The following SOX6 variants were observed in gnomAD, a reference collection of about 807,000 sequenced individuals.
The protein encoded by SOX6 is SRY-box transcription factor 6, also known as transcription factor SOX-6.
Under a neutral mutation model 97.8 loss-of-function variants are expected in SOX6, and 11 were observed. The ratio of observed to expected loss-of-function variants is 0.11; its 90% confidence interval spans 0.07 to 0.19. The LOEUF (loss-of-function observed/expected upper bound fraction) is 0.19, where lower values mean the gene tolerates loss of function less well. Among genes scored for constraint, SOX6 ranks in the 10% least tolerant of loss-of-function variants. SOX6 has a pLI of 1.00. For synonymous variants in SOX6, 360 were observed against 371.4 expected (o/e 0.97, Z 0.35); for missense variants, 810 against 1,039.5 (o/e 0.78, Z 3.04).
At chr11:16,653,438 A>C (rs1042124155) in intron 3 of SOX6, among the ~76,000 whole-genome samples, 12 of 152,224 alleles carry the variant, frequency 7.9e-5, no homozygotes, top group African/African-American at 2.9e-4. Context: ...ATAACGACTT[A>C]GCCAAAAAAG....
chr11:16,108,908 TAACA>T lies in SOX6; in HGVS notation c.898+2891_898+2894del, dbSNP rs544264774. ...ACATGGATTCAGAAACAGTCAACTTTAACAAACAATGAATGTCACCCCAAGGTAG... is the reference window on the plus strand; with the variant it reads ...ACATGGATTCAGAAACAGTCAACTTTAACAATGAATGTCACCCCAAGGTAG... On this transcript the variant is annotated intron_variant, in intron 7 of 15. Coordinates refer to ENST00000683767, the MANE Select transcript of SOX6 (RefSeq NM_001367873.1). 4.3e-3 allele frequency among the ~76,000 whole-genome samples: 659 copies of T among 152,264 alleles called. 4 individuals carry two copies. The highest frequency in any genetic ancestry group is 0.014 in the African/African-American group (601 of 41,558).
chr11:16,062,369 C>G (rs1488712379), intron 9 of SOX6, among the ~76,000 whole-genome samples: 1 of 151,612 alleles, frequency 6.6e-6, no homozygotes, highest in East Asian at 1.9e-4. Context: ...TTCTGATTAA[C>G]TATTACATAA....
At chr11:16,691,426 T>C (rs995041207) in intron 3 of SOX6, among the ~76,000 whole-genome samples, 2 of 152,176 alleles carry the variant, frequency 1.3e-5, no homozygotes, top group African/African-American at 2.4e-5. Flanking sequence ...AAGAGAAAGA[T>C]TTTTTCTTCT....
intron 7 of SOX6, among the ~76,000 whole-genome samples, chr11:16,098,990 T>G (rs1339802741): frequency 6.6e-6 from 1 of 151,566 alleles, no homozygotes; most frequent in Admixed American, 6.6e-5. Flanking sequence ...CTTTCACTTT[T>G]AACAAATTGT....
intron 12 of SOX6, among the ~76,000 whole-genome samples, chr11:16,032,145 G>T (rs1389215025): frequency 1.3e-5 from 2 of 152,128 alleles, no homozygotes; most frequent in Admixed American, 6.5e-5. Context: ...AGCATTTTAG[G>T]CTCAGTGTTA....
intron 4 of SOX6, among the ~76,000 whole-genome samples, chr11:16,555,235 A>G (rs1479252944): frequency 6.6e-6 from 1 of 151,940 alleles, no homozygotes; most frequent in African/African-American, 2.4e-5. Context: ...CTTATACATA[A>G]AAAACATGAC....
intron 1 of SOX6, among the ~76,000 whole-genome samples, chr11:16,469,631 T>A (rs1022029277): frequency 6.6e-6 from 1 of 152,122 alleles, no homozygotes; most frequent in Admixed American, 6.5e-5. Flanking sequence ...AAAACCATAG[T>A]ATGACAATAA....
chr11:16,282,269 T>C (rs1390148214), intron 3 of SOX6, among the ~76,000 whole-genome samples: 1 of 151,136 alleles, frequency 6.6e-6, no homozygotes, highest in East Asian at 1.9e-4. Flanking sequence ...TATAAAATAA[T>C]AATAAAGAAT....
intron 1 of SOX6, among the ~76,000 whole-genome samples, chr11:16,443,998 C>G (rs1377349457): frequency 8.2e-6 from 1 of 121,898 alleles, no homozygotes; most frequent in African/African-American, 3.1e-5. Flanking sequence ...GGCAACAGAG[C>G]GAGACTCTGT....
At chr11:16,118,195 T>A (rs1451365321) in intron 6 of SOX6, among the ~76,000 whole-genome samples, 2 of 152,198 alleles carry the variant, frequency 1.3e-5, no homozygotes, top group Non-Finnish European at 2.9e-5. Flanking sequence ...GGAAACCCCA[T>A]CACGGGTGAA....
At chr11:16,343,721 A>C (rs1210772392) in intron 1 of SOX6, among the ~76,000 whole-genome samples, 1 of 151,884 alleles carries the variant, frequency 6.6e-6, no homozygotes, top group Non-Finnish European at 1.5e-5. Context: ...TTCAGAGGGA[A>C]GTTTAGAAAT....
Position 16,685,770 on chromosome 11 carries a change from C to A in SOX6, n.429+29060G>T, listed in dbSNP as rs536952874. Among the ~76,000 whole-genome samples, 46 of 152,380 alleles carry A rather than the reference C, an allele frequency of 3.0e-4. 1 individual carries two copies. In the South Asian group the frequency reaches 4.1e-3, roughly 14 times the overall value. ...GCTAGGCAATGCCCCAGTAGGGACT[C>A]TGTGTTGGGGTTCTATCCCCACATT... is the stretch of plus-strand genomic sequence containing the variant. On this transcript the variant is annotated intron_variant and non_coding_transcript_variant, in intron 3 of 5. Transcript: ENST00000524520.
At chr11:16,123,919 C>T (rs893198458) in intron 6 of SOX6, among the ~76,000 whole-genome samples, 1 of 152,100 alleles carries the variant, frequency 6.6e-6, no homozygotes, top group African/African-American at 2.4e-5. Flanking sequence ...TTAACATACC[C>T]CTGACTCCTC....
chr11:16,525,956 G>C (rs1341241440), intron 4 of SOX6, among the ~76,000 whole-genome samples: 2 of 152,100 alleles, frequency 1.3e-5, no homozygotes, highest in Non-Finnish European at 2.9e-5. Context: ...ACCAGTTAGA[G>C]TGGCGATCAT....
chr11:16,597,271 C>G (rs372323626), intron 4 of SOX6, among the ~76,000 whole-genome samples: 4 of 151,522 alleles, frequency 2.6e-5, no homozygotes, highest in Non-Finnish European at 4.4e-5. Flanking sequence ...ATCCTAACAC[C>G]GTTATCCAGA....
chr11:16,493,894 T>TCTCTAG (rs1217376679), intron 4 of SOX6, among the ~76,000 whole-genome samples: 3 of 152,196 alleles, frequency 2.0e-5, no homozygotes, highest in African/African-American at 7.2e-5. Context: ...CTTTAACCCA[T>TCTCTAG]AATTCCATCT....
At position 15,970,730 on chromosome 11, in the gene SOX6, T is replaced by C. The variant is rs902483872; in HGVS notation, c.*2079A>G. On this transcript the variant is annotated 3_prime_UTR_variant, in exon 16 of 16. Coordinates refer to ENST00000683767, the MANE Select transcript of SOX6 (RefSeq NM_001367873.1). ...GTAATTTCTTGGCTAGACCTGTTTA[T>C]TGCTATTAGGCCTTGAGCACTCTTA... 1.3e-5 allele frequency: 2 copies of C among 152,680 alleles called. No homozygotes were observed. Among genetic ancestry groups the C allele is most frequent in the African/African-American group, 4.8e-5 (2 of 41,466 alleles). The allele number at this position is 152,680 out of a possible 1,614,324, so 9.5% of individuals were successfully genotyped here.
At chr11:16,329,722 T>C (rs1856224535) in intron 2 of SOX6, among the ~76,000 whole-genome samples, 1 of 152,204 alleles carries the variant, frequency 6.6e-6, no homozygotes, top group African/African-American at 2.4e-5. Context: ...CATTACATAG[T>C]AAGTGATAAT....
At chr11:16,489,786 T>C (rs1860482216) in intron 4 of SOX6, among the ~76,000 whole-genome samples, 1 of 152,040 alleles carries the variant, frequency 6.6e-6, no homozygotes, top group Non-Finnish European at 1.5e-5. Context: ...TTTTGTTCCA[T>C]TACTTCACAC....
Sources: allele counts gnomAD v4.1 joint callset (sites outside exome capture counted in the v4.1 genomes callset), GRCh38; gene constraint gnomAD v4.1.1; transcripts MANE v1.5; gene names NCBI Gene and HGNC (gene_info 2026-07-23, HGNC 2026-07-21).